USP6NL: variants seen among roughly 807,000 people sequenced by gnomAD.
The protein encoded by USP6NL is USP6 N-terminal like.
USP6NL carries 26 observed loss-of-function variants against 61.9 expected under a neutral mutation model. That is an observed-to-expected ratio of 0.42 (90% confidence interval 0.31 to 0.58). USP6NL has a LOEUF of 0.58. USP6NL is among the 20% of genes least tolerant of loss of function. The pLI, the probability that USP6NL is intolerant of heterozygous loss-of-function variation, is 0.16. For missense variants in USP6NL, 1,114 were observed against 1,034.3 expected (o/e 1.08, Z -1.06); for synonymous variants, 432 against 390.1 (o/e 1.11, Z -1.27).
intron 5 of USP6NL, among the ~76,000 whole-genome samples, chr10:11,512,596 C>T (rs1429515022): frequency 2.6e-5 from 4 of 152,206 alleles, no homozygotes; most frequent in African/African-American, 7.2e-5. Flanking sequence ...GGCCCCAATT[C>T]ACCTTCCAGT....
In USP6NL at chr10:11,527,536, G is replaced by A. The variant is rs1172379964; in HGVS notation, c.36C>T (p.Ala12=). The A allele has an allele frequency of 1.2e-6, 2 of 1,609,432 alleles. No individual in the cohort carries two copies. Among genetic ancestry groups the A allele is most frequent in the Non-Finnish European group, 1.7e-6 (2 of 1,177,782 alleles). The part of the protein sequence containing the change: ...NSDQDVALKL[A]QERAEIVAKY... ...TAGCAACTATTTCAGCTCGCTCCTG[G>A]GCAAGTTTGAGTGCTACATCCTGGT... Residue 12 remains alanine, a synonymous_variant, in exon 3 of 15, where the codon GCC becomes GCT. Transcript: ENST00000609104.
intron 2 of USP6NL, among the ~76,000 whole-genome samples, chr10:11,554,538 T>G (rs974881958): frequency 3.9e-5 from 6 of 152,340 alleles, no homozygotes; most frequent in Middle Eastern, 3.4e-3. Flanking sequence ...CCTGAATGAC[T>G]ATGCCCTAGG....
chr10:11,562,521 G>A lies in USP6NL; in HGVS notation c.5-34954C>T, dbSNP rs1436878269. On this transcript the variant is annotated intron_variant, in intron 2 of 14. Transcript: ENST00000609104. The surrounding 1 kb of genome is among the most constrained non-coding windows in gnomAD (Gnocchi z 4.8). ...ACGTGAAAAGAGCCGGGTCACTCAA[G>A]ACATTGCTTGGCCACTGTGACTACT... 4.1e-6 allele frequency: 4 copies of A among 985,408 alleles called. No individual in the cohort carries two copies. The highest frequency in any genetic ancestry group is 4.8e-6 in the Non-Finnish European group (4 of 829,918). 61.0% of individuals were successfully genotyped at this position (985,408 alleles called of 1,614,324 possible).
At chr10:11,586,062 C>T (rs1236844202) in intron 2 of USP6NL, among the ~76,000 whole-genome samples, 1 of 152,144 alleles carries the variant, frequency 6.6e-6, no homozygotes, top group African/African-American at 2.4e-5. Context: ...TAAAAAATGG[C>T]TAAGATGGTA....
Position 11,591,216 on chromosome 10 carries a change from T to A in USP6NL, c.4+6415A>T, listed in dbSNP as rs1001898239. Reference sequence around the variant, plus strand: ...ACTGGAAAACTTACTGCTTTCAGAATGGAATTCGAAATAGTTCTCTTAAGA... The same window carrying A: ...ACTGGAAAACTTACTGCTTTCAGAAAGGAATTCGAAATAGTTCTCTTAAGA... On this transcript the variant is annotated intron_variant, in intron 2 of 14. Coordinates refer to ENST00000609104, the MANE Select transcript of USP6NL (RefSeq NM_014688.5). This position sits in a 1 kb window ranked among gnomAD's most constrained non-coding sequence, Gnocchi z 4.7. Among the ~76,000 whole-genome samples the A allele has an allele frequency of 3.9e-5, 6 of 152,194 alleles. No individual in the cohort carries two copies. The highest frequency in any genetic ancestry group is 1.4e-4 in the African/African-American group (6 of 41,452).
At chr10:11,519,156 T>C (rs1835096862) in intron 4 of USP6NL, among the ~76,000 whole-genome samples, 1 of 152,196 alleles carries the variant, frequency 6.6e-6, no homozygotes, top group East Asian at 1.9e-4. Context: ...TTTACAAAAA[T>C]AGGTGGTGAG....
chr10:11,591,805 A>C lies in USP6NL; in HGVS notation c.4+5826T>G, dbSNP rs1186788048. On this transcript the variant is annotated intron_variant, in intron 2 of 14. Coordinates refer to ENST00000609104, the MANE Select transcript of USP6NL (RefSeq NM_014688.5). This position sits in a 1 kb window ranked among gnomAD's most constrained non-coding sequence, Gnocchi z 4.7. ...AAGAATGTAAACCACCTCCCAAAAA[A>C]TTTTTAACTTAAATATATAAGACTA... Among the ~76,000 whole-genome samples the C allele has an allele frequency of 3.3e-5, 5 of 152,330 alleles. No homozygotes were observed. Among genetic ancestry groups the C allele is most frequent in the Admixed American group, 3.3e-4 (5 of 15,300 alleles).
chr10:11,535,535 A>T (rs537307134), intron 2 of USP6NL, among the ~76,000 whole-genome samples: 1 of 152,246 alleles, frequency 6.6e-6, no homozygotes, highest in Non-Finnish European at 1.5e-5. Flanking sequence ...AGAAGGAAAC[A>T]GCACCTGAGA....
intron 2 of USP6NL, among the ~76,000 whole-genome samples, chr10:11,582,825 T>C (rs970302057): frequency 6.6e-6 from 1 of 151,712 alleles, no homozygotes; most frequent in African/African-American, 2.4e-5. Flanking sequence ...AAAAATATAT[T>C]ATTCCAATTT....
rs1835168039 is a variant in USP6NL at position 11,520,614 on chromosome 10, A to G, written c.156-2040T>C. On this transcript the variant is annotated intron_variant, in intron 4 of 14. Coordinates refer to ENST00000609104, the MANE Select transcript of USP6NL (RefSeq NM_014688.5). The surrounding 1 kb of genome is among the most constrained non-coding windows in gnomAD (Gnocchi z 5.2). The stretch of plus-strand genomic sequence containing the variant: ...TACCTTGCCTCCTAAATATCCTTCA[A>G]GTGGAGGAGAAGAAAGAAGGACCAC... Among the ~76,000 whole-genome samples the G allele has an allele frequency of 6.6e-6, 1 of 152,246 alleles. No homozygotes were observed. Among genetic ancestry groups the G allele is most frequent in the African/African-American group, 2.4e-5 (1 of 41,474 alleles).
chr10:11,463,807 G>T lies in USP6NL; in HGVS notation c.1121C>A (p.Pro374Gln). 6.7e-7 allele frequency: 1 copy of T among 1,485,566 alleles called. No individual in the cohort carries two copies. The highest frequency in any genetic ancestry group is 8.9e-7 in the Non-Finnish European group (1 of 1,118,808). 92.0% of individuals were successfully genotyped at this position (1,485,566 alleles called of 1,614,324 possible). A position where few individuals can be genotyped will look rare whatever the true frequency, so the allele number is the denominator to read the frequency against. Residue 374 changes from proline to glutamine, a missense_variant, in exon 15 of 15, where the codon CCA becomes CAA. By Grantham distance (76) the Pro-to-Gln change is moderately conservative. Transcript: ENST00000609104. This position sits in a 1 kb window ranked among gnomAD's most constrained non-coding sequence, Gnocchi z 6.3. ...EYPKKPLGQL[P>Q]PELQSWGVHH... The stretch of plus-strand genomic sequence containing the variant: ...GACGCCCCAAGACTGAAGTTCAGGT[G>T]GAAGCTGCCCCAAGGGCTTCTTTGG...
At chr10:11,501,722 C>T (rs1834205201) in intron 6 of USP6NL, among the ~76,000 whole-genome samples, 1 of 152,190 alleles carries the variant, frequency 6.6e-6, no homozygotes, top group Non-Finnish European at 1.5e-5. Context: ...CAAGCTTCTC[C>T]TCATCTATCT....
chr10:11,587,809 CA>C lies in USP6NL; in HGVS notation c.4+9821del, dbSNP rs1838027945. On this transcript the variant is annotated intron_variant, in intron 2 of 14. Transcript: ENST00000609104. The surrounding 1 kb of genome is among the most constrained non-coding windows in gnomAD (Gnocchi z 4.5). ...AAGCCGTCTCATTTCAACGCCATCTCATATTCTAGAAAATATTTCATTGTCA... is the reference window on the plus strand; with the variant it reads ...AAGCCGTCTCATTTCAACGCCATCTCTATTCTAGAAAATATTTCATTGTCA... Among the ~76,000 whole-genome samples, 1 of 152,194 alleles carries C rather than the reference CA, an allele frequency of 6.6e-6. No individual in the cohort carries two copies.
chr10:11,575,921 A>G lies in USP6NL; in HGVS notation c.4+21710T>C, dbSNP rs1837527406. 6.6e-6 allele frequency among the ~76,000 whole-genome samples: 1 copy of G among 152,200 alleles called. No individual in the cohort carries two copies. Among genetic ancestry groups the G allele is most frequent in the South Asian group, 2.1e-4 (1 of 4,832 alleles). ...CAAAAAGGGTGAGGGGAAATACGGG[A>G]CATTTTGGGAGAAGAGGTGAAATTT... On this transcript the variant is annotated intron_variant, in intron 2 of 14. Coordinates refer to ENST00000609104, the MANE Select transcript of USP6NL (RefSeq NM_014688.5). The surrounding 1 kb of genome is among the most constrained non-coding windows in gnomAD (Gnocchi z 4.2).
chr10:11,604,111 C>T (rs1588426861), intron 1 of USP6NL, among the ~76,000 whole-genome samples: 2 of 152,166 alleles, frequency 1.3e-5, no homozygotes, highest in Non-Finnish European at 1.5e-5. Context: ...AGCCTACCTA[C>T]CACTGAGAGT....
At chr10:11,570,296 C>T (rs369440737) in intron 2 of USP6NL, among the ~76,000 whole-genome samples, 2 of 152,260 alleles carry the variant, frequency 1.3e-5, no homozygotes, top group African/African-American at 2.4e-5. Flanking sequence ...TATATCTCTA[C>T]GCCCTTGCAT....
rs769272980 is a variant in USP6NL at position 11,476,077 on chromosome 10, GA to G, written c.1078+5692del. Among the ~76,000 whole-genome samples, 5 of 152,234 alleles carry G rather than the reference GA, an allele frequency of 3.3e-5. No individual in the cohort carries two copies. The highest frequency in any genetic ancestry group is 4.8e-5 in the African/African-American group (2 of 41,540). On this transcript the variant is annotated intron_variant, in intron 14 of 14. Transcript: ENST00000609104. This position sits in a 1 kb window ranked among gnomAD's most constrained non-coding sequence, Gnocchi z 4.3. The stretch of plus-strand genomic sequence containing the variant: ...AGAGGAAAACAAAAGGTGGGGTGAA[GA>G]GGGGGGAAGAGGAAAGGTGTACTGC...
intron 2 of USP6NL, among the ~76,000 whole-genome samples, chr10:11,567,703 C>T (rs1001590434): frequency 1.3e-5 from 2 of 152,184 alleles, no homozygotes; most frequent in African/African-American, 2.4e-5. Flanking sequence ...GCAATATCAG[C>T]AACAGAATAA....
At chr10:11,558,443 G>C (rs916662320) in intron 2 of USP6NL, among the ~76,000 whole-genome samples, 1 of 152,060 alleles carries the variant, frequency 6.6e-6, no homozygotes, top group African/African-American at 2.4e-5. Flanking sequence ...TATTTAATAT[G>C]TCCCTCTACC....
Sources: allele counts gnomAD v4.1 joint callset (sites outside exome capture counted in the v4.1 genomes callset), GRCh38; gene constraint gnomAD v4.1.1; non-coding constraint Gnocchi (gnomAD v3.1); transcripts MANE v1.5; gene names NCBI Gene and HGNC (gene_info 2026-07-23, HGNC 2026-07-21).